BDP1: variants seen among roughly 807,000 people sequenced by gnomAD.
The protein encoded by BDP1 is transcription factor TFIIIB component B'' homolog.
BDP1 carries 169 observed loss-of-function variants against 266.6 expected under a neutral mutation model. The observed-to-expected ratio is 0.63, with a 90% CI of 0.56 to 0.72. The LOEUF (loss-of-function observed/expected upper bound fraction) is 0.72, where lower values mean the gene tolerates loss of function less well. Among genes scored for constraint, BDP1 ranks in the 30% least tolerant of loss-of-function variants. BDP1 has a pLI of 0.00. For synonymous variants in BDP1, 1,090 were observed against 1,022.4 expected (o/e 1.07, Z -1.26); for missense variants, 3,015 against 3,053.8 (o/e 0.99, Z 0.30).
intron 30 of BDP1, among the ~76,000 whole-genome samples, chr5:71,543,741 A>G (rs1484791305): frequency 6.6e-6 from 1 of 152,230 alleles, no homozygotes; most frequent in Non-Finnish European, 1.5e-5. Context: ...CCTGTAATAC[A>G]TATCAAGCAA....
In BDP1 at chr5:71,563,156, T is replaced by C. The variant is rs79790678; in HGVS notation, c.7743+636T>C. Among the ~76,000 whole-genome samples the C allele has an allele frequency of 3.5e-3, 537 of 152,322 alleles. 9 individuals carry two copies. The highest frequency in any genetic ancestry group is 0.012 in the African/African-American group (497 of 41,560). ...GTGGGTTTTGTTTTTTTTGTGTGTTTGTTTTGAGACAGAGTCTCACTCACT... is the reference window on the plus strand; with the variant it reads ...GTGGGTTTTGTTTTTTTTGTGTGTTCGTTTTGAGACAGAGTCTCACTCACT... On this transcript the variant is annotated intron_variant, in intron 38 of 38. Coordinates refer to ENST00000358731, the MANE Select transcript of BDP1 (RefSeq NM_018429.3).
Position 71,564,904 on chromosome 5 carries a change from TC to T in BDP1, c.*20del. On this transcript the variant is annotated 3_prime_UTR_variant, in exon 39 of 39. Transcript: ENST00000358731. ...AGAATAAAACAATCTTTTCTCTTTT[TC>T]TTTTTTAAATTAGGTCTAGGATTTC... 2 of 1,574,374 alleles carry T rather than the reference TC, an allele frequency of 1.3e-6. No individual in the cohort carries two copies. Among genetic ancestry groups the T allele is most frequent in the East Asian group, 4.5e-5 (2 of 44,448 alleles).
Position 71,510,874 on chromosome 5 carries a change from A to G in BDP1, c.3782A>G (p.Asp1261Gly). The G allele has an allele frequency of 6.2e-7, 1 of 1,613,746 alleles. No individual in the cohort carries two copies. Among genetic ancestry groups the G allele is most frequent in the Non-Finnish European group, 8.5e-7 (1 of 1,179,756 alleles). ...GATTTGAAAGAAACTGGAAAAAGAG[A>G]CATTCCCATCATGGAGAAAGTATCA... ...EIDLKETGKRDIPIMEKVSGK... is the reference protein window; with the variant it reads ...EIDLKETGKRGIPIMEKVSGK... The change falls in exon 17 of 39, where the codon GAC (aspartate) becomes GGC (glycine). Residue 1261 changes from aspartate to glycine, a missense_variant. This residue lies in a region of BDP1 where 2,383 missense variants were observed against 2,404.9 expected (regional missense o/e 0.99). Transcript: ENST00000358731.
intron 13 of BDP1, among the ~76,000 whole-genome samples, chr5:71,500,607 G>A (rs1377204582): frequency 1.3e-5 from 2 of 151,882 alleles, no homozygotes; most frequent in African/African-American, 4.8e-5. Context: ...GATTACAGGC[G>A]TGAGCCACCA....
Position 71,564,876 on chromosome 5 carries a change from A to G in BDP1, c.7866A>G (p.Glu2622=). ...FFNDIFIEVD[E]TE ...ATGATATCTTCATTGAAGTGGATGAAACAGAATAAAACAATCTTTTCTCTT... is the reference window on the plus strand; with the variant it reads ...ATGATATCTTCATTGAAGTGGATGAGACAGAATAAAACAATCTTTTCTCTT... The change falls in exon 39 of 39, where the codon GAA becomes GAG. Residue 2622 remains glutamate, a synonymous_variant. Coordinates refer to ENST00000358731, the MANE Select transcript of BDP1 (RefSeq NM_018429.3). The G allele has an allele frequency of 3.2e-6, 5 of 1,584,628 alleles. No individual in the cohort carries two copies. Among genetic ancestry groups the G allele is most frequent in the Non-Finnish European group, 4.3e-6 (5 of 1,171,644 alleles).
At chr5:71,505,119 G>A (rs1764507048) in intron 16 of BDP1, among the ~76,000 whole-genome samples, 1 of 152,130 alleles carries the variant, frequency 6.6e-6, no homozygotes, top group African/African-American at 2.4e-5. Flanking sequence ...CAATTCTCCT[G>A]CCTCAGCCTC....
intron 20 of BDP1, among the ~76,000 whole-genome samples, chr5:71,515,594 T>C (rs1197427866): frequency 6.6e-6 from 1 of 152,202 alleles, no homozygotes; most frequent in Non-Finnish European, 1.5e-5. Flanking sequence ...CTTATATGTA[T>C]ATAAGCTATA....
At chr5:71,482,699 G>T (rs1763032171) in intron 7 of BDP1, among the ~76,000 whole-genome samples, 1 of 152,150 alleles carries the variant, frequency 6.6e-6, no homozygotes. Flanking sequence ...GAAGCCTATT[G>T]ATATTTCTTT....
rs183812797 is a variant in BDP1 at position 71,558,441 on chromosome 5, G to A, written c.7240+1516G>A. 2.0e-3 allele frequency among the ~76,000 whole-genome samples: 302 copies of A among 152,146 alleles called. 3 individuals carry two copies. Among genetic ancestry groups the A allele is most frequent in the African/African-American group, 6.6e-3 (275 of 41,510 alleles). Reference sequence around the variant, plus strand: ...GGGAGGCTGAGGCAGGAGATTGCTTGAACCTGGGAGACGGAGGTTGCAGCC... The same window carrying A: ...GGGAGGCTGAGGCAGGAGATTGCTTAAACCTGGGAGACGGAGGTTGCAGCC... On this transcript the variant is annotated intron_variant, in intron 36 of 38. Transcript: ENST00000358731.
At chr5:71,498,882 C>T (rs1764059188) in intron 13 of BDP1, among the ~76,000 whole-genome samples, 1 of 152,012 alleles carries the variant, frequency 6.6e-6, no homozygotes, top group African/African-American at 2.4e-5. Flanking sequence ...CACCACCACG[C>T]CCAGCTAATT....
At chr5:71,473,810 C>T (rs990226392) in intron 7 of BDP1, among the ~76,000 whole-genome samples, 2 of 151,900 alleles carry the variant, frequency 1.3e-5, no homozygotes, top group African/African-American at 4.8e-5. Flanking sequence ...GGTATATCTC[C>T]TAATGCTATC....
At chr5:71,485,757 C>G (rs1763226071) in intron 8 of BDP1, among the ~76,000 whole-genome samples, 1 of 152,036 alleles carries the variant, frequency 6.6e-6, no homozygotes, top group African/African-American at 2.4e-5. Context: ...CATTTACTTC[C>G]CACTTTGCTG....
At chr5:71,478,228 A>C (rs1220425759) in intron 7 of BDP1, among the ~76,000 whole-genome samples, 1 of 152,188 alleles carries the variant, frequency 6.6e-6, no homozygotes, top group African/African-American at 2.4e-5. Flanking sequence ...TAGCCTGGGT[A>C]ACAAGAGCAA....
intron 22 of BDP1, among the ~76,000 whole-genome samples, chr5:71,519,303 T>C (rs982458635): frequency 2.2e-4 from 34 of 152,360 alleles, no homozygotes; most frequent in African/African-American, 7.7e-4. Context: ...CTTCATACTT[T>C]TATCTTTATA....
At position 71,565,398 on chromosome 5, in the gene BDP1, A is replaced by G. The variant is rs942826957; in HGVS notation, c.*513A>G. 1.3e-5 allele frequency: 2 copies of G among 152,616 alleles called. No homozygotes were observed. The highest frequency in any genetic ancestry group is 2.9e-5 in the Non-Finnish European group (2 of 68,334). The allele number at this position is 152,616 out of a possible 1,614,324, so 9.5% of individuals were successfully genotyped here. ...GTCAATGATGGACCACATATATTAC[A>G]GTGGTCCCATGCAATTAAAATGGAG... On this transcript the variant is annotated 3_prime_UTR_variant, in exon 39 of 39. Transcript: ENST00000358731.
chr5:71,543,063 G>A (rs1364504337), intron 30 of BDP1, among the ~76,000 whole-genome samples: 1 of 152,138 alleles, frequency 6.6e-6, no homozygotes, highest in Non-Finnish European at 1.5e-5. Context: ...CAAGGTGGGT[G>A]GCTCATTTGA....
Position 71,559,992 on chromosome 5 carries a change from C to G in BDP1, c.7251C>G (p.His2417Gln). 1 of 1,613,376 alleles carries G rather than the reference C, an allele frequency of 6.2e-7. No individual in the cohort carries two copies. The highest frequency in any genetic ancestry group is 8.5e-7 in the Non-Finnish European group (1 of 1,179,938). ...TNVFEETGES[H>Q]KGQDIFLTSG... ...CTCTTTTTTTTGAAGGGGAGTCTCA[C>G]AAGGGACAAGATATTTTTCTTACCT... Residue 2417 changes from histidine to glutamine, a missense_variant, in exon 37 of 39, where the codon CAC becomes CAG. This residue lies in a region of BDP1 where 629 missense variants were observed against 632.5 expected (regional missense o/e 0.99). Coordinates refer to ENST00000358731, the MANE Select transcript of BDP1 (RefSeq NM_018429.3).
At chr5:71,575,202 C>G in the BDP1 span, among the ~76,000 whole-genome samples, 12 of 152,294 alleles carry the variant, frequency 7.9e-5, no homozygotes, top group African/African-American at 2.9e-4. Context: ...TGGGATATCA[C>G]AGTGGAAAAG....
chr5:71,560,518 A>G (rs377756500), intron 37 of BDP1, among the ~76,000 whole-genome samples: 4 of 152,340 alleles, frequency 2.6e-5, no homozygotes, highest in South Asian at 4.1e-4. Context: ...TGATCATTAC[A>G]TAATCTACCA....
Sources: allele counts gnomAD v4.1 joint callset (sites outside exome capture counted in the v4.1 genomes callset), GRCh38; gene constraint gnomAD v4.1.1; regional missense constraint gnomAD v4.1.1; transcripts MANE v1.5; gene names NCBI Gene and HGNC (gene_info 2026-07-23, HGNC 2026-07-21).